CCDC3: variants seen among roughly 807,000 people sequenced by gnomAD.
CCDC3 encodes coiled-coil domain-containing protein 3.
CCDC3 carries 24 observed loss-of-function variants against 21.4 expected under a neutral mutation model. The ratio of observed to expected loss-of-function variants is 1.12; its 90% CI spans 0.81 to 1.58. The LOEUF (loss-of-function observed/expected upper bound fraction) is 1.58. Among genes scored for constraint, CCDC3 ranks in the 40% most tolerant of loss-of-function variants. The pLI is 0.00. For missense variants in CCDC3, 425 were observed against 360.9 expected (o/e 1.18, Z -1.44); for synonymous variants, 186 against 166.0 (o/e 1.12, Z -0.93).
intron 5 of CCDC3, among the ~76,000 whole-genome samples, chr10:13,034,419 C>A (rs563717626): frequency 1.3e-5 from 2 of 151,218 alleles, no homozygotes; most frequent in Non-Finnish European, 2.9e-5. Context: ...TGCAGCACAC[C>A]AACATGGCAC....
chr10:12,922,644 C>G (rs1038609588), intron 2 of CCDC3, among the ~76,000 whole-genome samples: 2 of 152,050 alleles, frequency 1.3e-5, no homozygotes, highest in African/African-American at 4.8e-5. Context: ...CTCTCTGAAA[C>G]ATGCTCTTCC....
intron 2 of CCDC3, among the ~76,000 whole-genome samples, chr10:12,970,683 C>A (rs773291079): frequency 6.6e-6 from 1 of 152,068 alleles, no homozygotes; most frequent in Admixed American, 6.5e-5. Flanking sequence ...GCCAAGAGTT[C>A]GAGACTAACC....
chr10:13,035,730 C>T (rs1836369573), intron 5 of CCDC3, among the ~76,000 whole-genome samples: 1 of 152,212 alleles, frequency 6.6e-6, no homozygotes, highest in Admixed American at 6.5e-5. Flanking sequence ...TTAAGCTGTC[C>T]TGGAACAGGC....
At position 12,998,431 on chromosome 10, in the gene CCDC3, C is replaced by T. The variant is rs1564314754; in HGVS notation, c.456G>A (p.Arg152=). The change falls in exon 2 of 3, where the codon AGG becomes AGA. Residue 152 remains arginine, a synonymous_variant. Transcript: ENST00000378825. ...AAAACTGGAAAAGGCTAGAAAACAT[C>T]CTTCTGTTCTCTTGAGTGTCTGGGA... ...AIFPDTQENR[R]MFSSLFQFSN... is the part of the protein sequence containing the mutation. 2 of 1,614,170 alleles carry T rather than the reference C, an allele frequency of 1.2e-6. No homozygotes were observed. The highest frequency in any genetic ancestry group is 1.7e-6 in the Non-Finnish European group (2 of 1,180,028).
intron 5 of CCDC3, among the ~76,000 whole-genome samples, chr10:13,037,966 C>T (rs1051485054): frequency 6.6e-6 from 1 of 152,154 alleles, no homozygotes; most frequent in African/African-American, 2.4e-5. Flanking sequence ...CCCTAAGAGC[C>T]TTTTCCCCAG....
intron 2 of CCDC3, among the ~76,000 whole-genome samples, chr10:12,944,317 T>C (rs1834881007): frequency 6.6e-6 from 1 of 152,198 alleles, no homozygotes; most frequent in Non-Finnish European, 1.5e-5. Flanking sequence ...TTCATCTACG[T>C]GACAAGAACC....
chr10:13,082,762 T>C (rs895304281), intron 3 of CCDC3, among the ~76,000 whole-genome samples: 8 of 145,722 alleles, frequency 5.5e-5, no homozygotes, highest in African/African-American at 2.0e-4. Context: ...ACTTGCCTTC[T>C]GGTCACTTCT....
intron 3 of CCDC3, among the ~76,000 whole-genome samples, chr10:13,090,083 G>A (rs1198320675): frequency 2.6e-5 from 3 of 117,100 alleles, no homozygotes; most frequent in South Asian, 2.7e-4. Context: ...ATATATCACC[G>A]TTTCTTTCTT....
At chr10:12,968,206 C>CACAT (rs1480609799) in intron 2 of CCDC3, among the ~76,000 whole-genome samples, 3 of 141,874 alleles carry the variant, frequency 2.1e-5, no homozygotes. Flanking sequence ...CACACATACA[C>CACAT]ACACACACAC....
chr10:13,001,501 G>C lies in CCDC3; in HGVS notation c.70C>G (p.Leu24Val). 1 of 1,333,776 alleles carries C rather than the reference G, an allele frequency of 7.5e-7. No individual in the cohort carries two copies. The highest frequency in any genetic ancestry group is 9.6e-7 in the Non-Finnish European group (1 of 1,044,486). The allele number at this position is 1,333,776 out of a possible 1,614,324, so 82.6% of individuals were successfully genotyped here. The change falls in exon 1 of 3, where the codon CTG becomes GTG. Residue 24 changes from leucine to valine, a missense_variant. Transcript: ENST00000378825. ...GPPAPARACQ[L>V]PSEWRPLSEG... is the part of the protein sequence containing the mutation. ...CTCAGGGGCCTCCACTCGGAGGGCA[G>C]CTGGCAGGCGCGCGCGGGCGCTGGG... is the stretch of plus-strand genomic sequence containing the variant.
chr10:12,947,089 GT>G (rs1254115148), intron 2 of CCDC3, among the ~76,000 whole-genome samples: 1 of 151,692 alleles, frequency 6.6e-6, no homozygotes, highest in Non-Finnish European at 1.5e-5. Context: ...GTTTTTTGGA[GT>G]GCCTGATGTA....
intron 5 of CCDC3, among the ~76,000 whole-genome samples, chr10:13,018,546 A>G (rs968298828): frequency 1.3e-5 from 2 of 152,158 alleles, no homozygotes; most frequent in African/African-American, 4.8e-5. Context: ...TTAAAATCCT[A>G]TTGAAAAGTT....
chr10:12,971,097 T>TTA (rs1301049499), intron 2 of CCDC3, among the ~76,000 whole-genome samples: 1 of 152,104 alleles, frequency 6.6e-6, no homozygotes, highest in Non-Finnish European at 1.5e-5. Context: ...CCTTATACCG[T>TTA]TAATGTGAAT....
At chr10:12,982,176 A>G (rs1189254998) in intron 2 of CCDC3, among the ~76,000 whole-genome samples, 1 of 151,492 alleles carries the variant, frequency 6.6e-6, no homozygotes, top group Non-Finnish European at 1.5e-5. Context: ...ATCAAAATCA[A>G]AAGCCATGGT....
At chr10:12,964,295 C>T (rs1000564497) in intron 2 of CCDC3, among the ~76,000 whole-genome samples, 7 of 152,090 alleles carry the variant, frequency 4.6e-5, no homozygotes, top group African/African-American at 1.7e-4. Flanking sequence ...TCGCTTGAAC[C>T]CGGGAGGCAG....
At chr10:13,010,786 T>G (rs1461674259) in intron 5 of CCDC3, among the ~76,000 whole-genome samples, 2 of 152,168 alleles carry the variant, frequency 1.3e-5, no homozygotes, top group African/African-American at 4.8e-5. Context: ...AGCAATGAAC[T>G]ATTACTACAC....
chr10:12,997,062 C>T (rs1003007201), intron 2 of CCDC3, among the ~76,000 whole-genome samples: 18 of 152,004 alleles, frequency 1.2e-4, no homozygotes, highest in African/African-American at 4.4e-4. Flanking sequence ...CACGTACCCC[C>T]TGAACCTAAA....
chr10:12,907,861 G>T (rs1014466777), intron 2 of CCDC3, among the ~76,000 whole-genome samples: 3 of 152,118 alleles, frequency 2.0e-5, no homozygotes, highest in African/African-American at 7.2e-5. Flanking sequence ...ATCCATTCTA[G>T]AGGGGAGATG....
chr10:13,077,840 C>T (rs559053056), intron 3 of CCDC3, among the ~76,000 whole-genome samples: 7 of 152,314 alleles, frequency 4.6e-5, no homozygotes, highest in South Asian at 4.1e-4. Flanking sequence ...CTTCCTTACA[C>T]CTTGTACAAA....
Sources: gnomAD v4.1 joint callset for allele counts (sites outside exome capture counted in the v4.1 genomes callset) on GRCh38, gnomAD v4.1.1 for gene constraint, MANE v1.5 for transcripts, NCBI Gene and HGNC (gene_info 2026-07-23, HGNC 2026-07-21) for gene names.